The following MACROD2 variants were observed in gnomAD, a reference collection of about 807,000 sequenced individuals.
MACROD2 encodes mono-ADP ribosylhydrolase 2.
A neutral mutation model predicts 70.4 loss-of-function variants in MACROD2; 36 were observed. That is an observed-to-expected ratio of 0.51 (90% CI 0.39 to 0.68). The LOEUF (loss-of-function observed/expected upper bound fraction) is 0.68. MACROD2 is among the 30% of genes least tolerant of loss of function. MACROD2 has a pLI of 0.00. For synonymous variants in MACROD2, 172 were observed against 178.8 expected (o/e 0.96, Z 0.30); for missense variants, 496 against 538.4 (o/e 0.92, Z 0.78).
chr20:14,836,932 G>T (rs1466799319), intron 5 of MACROD2, among the ~76,000 whole-genome samples: 1 of 151,944 alleles, frequency 6.6e-6, no homozygotes, highest in Non-Finnish European at 1.5e-5. Flanking sequence ...AAATAATGAA[G>T]GTAGTTTGTA....
intron 12 of MACROD2, among the ~76,000 whole-genome samples, chr20:15,961,313 C>G (rs927229403): frequency 6.6e-6 from 1 of 152,082 alleles, no homozygotes; most frequent in Non-Finnish European, 1.5e-5. Context: ...CTTTGAAGCT[C>G]AACATAGTAT....
At chr20:15,860,594 A>AAT (rs1377684756) in intron 8 of MACROD2, among the ~76,000 whole-genome samples, 1 of 152,144 alleles carries the variant, frequency 6.6e-6, no homozygotes, top group African/African-American at 2.4e-5. Context: ...AAGTGTTTCA[A>AAT]ATATATATAA....
chr20:15,846,911 T>TTATATATATATATATATATATATA (rs33993940), intron 8 of MACROD2, among the ~76,000 whole-genome samples: 1 of 138,104 alleles, frequency 7.2e-6, no homozygotes, highest in African/African-American at 2.7e-5. Context: ...AAAAAAAAAA[T>TTATATATATATATATATATATATA]TATATATATA....
intron 5 of MACROD2, among the ~76,000 whole-genome samples, chr20:14,964,704 A>G (rs2074616498): frequency 6.6e-6 from 1 of 152,228 alleles, no homozygotes; most frequent in Non-Finnish European, 1.5e-5. Flanking sequence ...AATAGTAGCT[A>G]GATTTATTGA....
chr20:15,875,667 G>A (rs1294072407), intron 9 of MACROD2, among the ~76,000 whole-genome samples: 2 of 151,916 alleles, frequency 1.3e-5, no homozygotes, highest in Non-Finnish European at 2.9e-5. Flanking sequence ...CAACGGAGGG[G>A]AGTGTGCAGT....
intron 4 of MACROD2, among the ~76,000 whole-genome samples, chr20:14,649,600 A>G (rs1600498272): frequency 6.6e-6 from 1 of 152,180 alleles, no homozygotes; most frequent in East Asian, 1.9e-4. Flanking sequence ...GGGACATAGA[A>G]TGCTAACAAA....
At chr20:15,808,659 T>C (rs2063790961) in intron 8 of MACROD2, among the ~76,000 whole-genome samples, 1 of 152,162 alleles carries the variant, frequency 6.6e-6, no homozygotes, top group Admixed American at 6.5e-5. Flanking sequence ...ATTTGACAGA[T>C]GCTAAATATC....
At chr20:14,598,277 AC>A (rs1275894573) in intron 4 of MACROD2, among the ~76,000 whole-genome samples, 1 of 152,120 alleles carries the variant, frequency 6.6e-6, no homozygotes. Flanking sequence ...AAAATGTAAA[AC>A]AAAAGTTTTA....
chr20:15,546,575 T>A (rs2048028816), intron 8 of MACROD2, among the ~76,000 whole-genome samples: 1 of 152,080 alleles, frequency 6.6e-6, no homozygotes, highest in African/African-American at 2.4e-5. Flanking sequence ...AGAAAATAAT[T>A]CAGATTCACA....
intron 5 of MACROD2, among the ~76,000 whole-genome samples, chr20:15,081,511 C>G (rs539543641): frequency 6.6e-6 from 1 of 152,128 alleles, no homozygotes; most frequent in Non-Finnish European, 1.5e-5. Flanking sequence ...TATTCTTGAA[C>G]CAACCCCTGA....
intron 5 of MACROD2, among the ~76,000 whole-genome samples, chr20:15,146,166 T>A (rs1379918520): frequency 6.6e-6 from 1 of 152,166 alleles, no homozygotes; most frequent in Non-Finnish European, 1.5e-5. Context: ...TCTATATAAG[T>A]ATTTTCTGCT....
chr20:14,549,932 CT>C (rs572493726), intron 4 of MACROD2, among the ~76,000 whole-genome samples: 2,558 of 143,088 alleles, frequency 0.018, 45 homozygotes, highest in African/African-American at 0.048. Flanking sequence ...TGAATTACAC[CT>C]TTTTTTTTTT....
chr20:14,595,560 C>A (rs1291334332), intron 4 of MACROD2, among the ~76,000 whole-genome samples: 3 of 152,182 alleles, frequency 2.0e-5, no homozygotes, highest in African/African-American at 7.2e-5. Context: ...TATAAAATTT[C>A]TTTAACCCCT....
In MACROD2 at chr20:15,731,818, C is replaced by T. The variant is rs1205632230; in HGVS notation, c.646-130927C>T. 7.4e-5 allele frequency among the ~76,000 whole-genome samples: 4 copies of T among 53,782 alleles called. 2 individuals are homozygous for T. The highest frequency in any genetic ancestry group is 1.1e-4 in the African/African-American group (2 of 18,902). The allele number at this position is 53,782 out of a possible 152,430, so 35.3% of individuals were successfully genotyped here. Reference sequence around the variant, plus strand: ...TTGCCCAGGCTGGAGTGCAATAGCGCGATCTTGGCTCACTGCAAACTTCAC... The same window carrying T: ...TTGCCCAGGCTGGAGTGCAATAGCGTGATCTTGGCTCACTGCAAACTTCAC... On this transcript the variant is annotated intron_variant, in intron 8 of 17. Transcript: ENST00000684519.
At chr20:15,691,378 C>T (rs533420730) in intron 8 of MACROD2, among the ~76,000 whole-genome samples, 28 of 152,234 alleles carry the variant, frequency 1.8e-4, no homozygotes, top group African/African-American at 5.3e-4. Flanking sequence ...ATGTATCAAA[C>T]GTATTATATA....
intron 3 of MACROD2, among the ~76,000 whole-genome samples, chr20:14,347,288 A>T (rs1260540373): frequency 6.6e-6 from 1 of 152,218 alleles, no homozygotes; most frequent in Non-Finnish European, 1.5e-5. Flanking sequence ...CTCTAGGAAC[A>T]TTCATAATGC....
chr20:15,875,809 G>A (rs73248391), intron 9 of MACROD2, among the ~76,000 whole-genome samples: 9,638 of 151,856 alleles, frequency 0.063, 457 homozygotes, highest in East Asian at 0.14. Context: ...GGAGAAGGGA[G>A]GGAGGATGTT....
intron 8 of MACROD2, among the ~76,000 whole-genome samples, chr20:15,631,137 G>A (rs1409973177): frequency 6.6e-6 from 1 of 152,262 alleles, no homozygotes; most frequent in East Asian, 1.9e-4. Flanking sequence ...CAAATGAGAG[G>A]GACATACTAG....
intron 8 of MACROD2, 54 bp from the exon 9 acceptor site, chr20:15,862,691 C>A: frequency 7.0e-7 from 1 of 1,431,806 alleles, no homozygotes. Flanking sequence ...TATGTCCTGG[C>A]AGGGCAATTG....
Sources: gnomAD v4.1 joint callset for allele counts (sites outside exome capture counted in the v4.1 genomes callset) on GRCh38, gnomAD v4.1.1 for gene constraint, MANE v1.5 for transcripts, NCBI Gene and HGNC (gene_info 2026-07-23, HGNC 2026-07-21) for gene names.